The following PCDHGA4 variants were observed in gnomAD, a reference collection of about 807,000 sequenced individuals.
PCDHGA4 encodes protocadherin gamma subfamily A, 4, also known as protocadherin gamma-A4.
PCDHGA4 carries 38 observed loss-of-function variants against 54.6 expected under a neutral mutation model. The ratio of observed to expected loss-of-function variants is 0.70; its 90% CI spans 0.54 to 0.91. The LOEUF (loss-of-function observed/expected upper bound fraction) is 0.91, where lower values mean the gene tolerates loss of function less well. Ranked by LOEUF, PCDHGA4 falls within the 40% of genes least tolerant of loss-of-function variation. The pLI, the probability that PCDHGA4 is intolerant of heterozygous loss-of-function variation, is 0.00. For synonymous variants in PCDHGA4, 511 were observed against 512.9 expected, an observed-to-expected ratio of 1.00 and a Z score of 0.05; for missense variants, 1,298 against 1,220.9, an observed-to-expected ratio of 1.06 and a Z score of -0.94.
chr5:141,366,328 C>T (rs778365263), intron 1 of PCDHGA4: 1 of 1,613,870 alleles, frequency 6.2e-7, no homozygotes, highest in Non-Finnish European at 8.5e-7. Context: ...CCGTGGCCGA[C>T]AGGATCCCTG....
chr5:141,356,537 A>G lies in PCDHGA4; in HGVS notation c.1430A>G (p.Asn477Ser), dbSNP rs749492777. 49 of 1,614,028 alleles carry G rather than the reference A, an allele frequency of 3.0e-5. No individual in the cohort carries two copies. The Admixed American group carries it at 5.7e-4, about 19-fold the overall frequency. The change falls in exon 1 of 4, where the codon AAT becomes AGT. Residue 477 changes from asparagine (N) to serine (S), a missense_variant. By Grantham distance (46) the Asn-to-Ser change is conservative. Transcript: ENST00000571252. ...ATTTCACTGCAAGTGATGGACATCAATGACAACCCACCCACTTTCCCTCAT... is the reference window on the plus strand; with the variant it reads ...ATTTCACTGCAAGTGATGGACATCAGTGACAACCCACCCACTTTCCCTCAT... ...THISLQVMDI[N>S]DNPPTFPHAS...
chr5:141,443,827 G>A (rs1425599112), intron 1 of PCDHGA4, among the ~76,000 whole-genome samples: 1 of 152,054 alleles, frequency 6.6e-6, no homozygotes, highest in African/African-American at 2.4e-5. Context: ...ACATAATTAG[G>A]TAAAATGGGT....
chr5:141,446,850 C>T (rs1027473189), intron 1 of PCDHGA4, among the ~76,000 whole-genome samples: 2 of 152,114 alleles, frequency 1.3e-5, no homozygotes, highest in Non-Finnish European at 2.9e-5. Flanking sequence ...GCATAATAAG[C>T]TTCCTGATAG....
chr5:141,364,280 G>A, intron 1 of PCDHGA4: 1 of 1,516,138 alleles, frequency 6.6e-7, no homozygotes, highest in African/African-American at 1.4e-5. Context: ...GATAAATAAG[G>A]AAACAGCAGG....
chr5:141,404,942 A>G, intron 1 of PCDHGA4: 2 of 1,613,982 alleles, frequency 1.2e-6, no homozygotes, highest in South Asian at 1.1e-5. Context: ...CACAGTAGCC[A>G]TAGCTGACAG....
chr5:141,433,174 G>A (rs1298757358), intron 1 of PCDHGA4: 1 of 1,610,308 alleles, frequency 6.2e-7, no homozygotes, highest in Non-Finnish European at 8.5e-7. Context: ...ACAGTCATGG[G>A]TTAATTGAGG....
intron 1 of PCDHGA4, chr5:141,394,165 C>G (rs1228690548): frequency 6.2e-7 from 1 of 1,613,930 alleles, no homozygotes; most frequent in African/African-American, 1.3e-5. Flanking sequence ...AACCCTCCTA[C>G]TTTCCCTCAT....
chr5:141,403,377 T>A, intron 1 of PCDHGA4: 1 of 1,614,016 alleles, frequency 6.2e-7, no homozygotes. Flanking sequence ...GAAGTAAAAA[T>A]TAACGAAATC....
chr5:141,496,021 G>C lies in PCDHGA4; in HGVS notation c.2573+1156G>C, dbSNP rs1011612662. Among the ~76,000 whole-genome samples, 3 of 151,454 alleles carry C rather than the reference G, an allele frequency of 2.0e-5. No individual in the cohort carries two copies. The East Asian group carries it at 5.8e-4, about 29-fold the overall frequency. ...CTTTTATCTTGTCTTTTTTCTCTGA[G>C]CCTCTGTCTCTGTCTCTCATTTTTT... On this transcript the variant is annotated intron_variant, in intron 2 of 3. Coordinates refer to ENST00000571252, the MANE Select transcript of PCDHGA4 (RefSeq NM_018917.4).
chr5:141,511,230 C>A lies in PCDHGA4; in HGVS notation c.*57C>A. On this transcript the variant is annotated 3_prime_UTR_variant, in exon 4 of 4. Transcript: ENST00000571252. ...CCTCTCCCCAACCAGCCCAGCTTCT[C>A]CTTACCTGCACCCAGGCCTCAGAGT... 6.3e-7 allele frequency: 1 copy of A among 1,597,914 alleles called. No homozygotes were observed. The highest frequency in any genetic ancestry group is 1.1e-5 in the South Asian group (1 of 89,144).
chr5:141,377,571 G>A (rs1188090213), intron 1 of PCDHGA4: 1 of 151,658 alleles, frequency 6.6e-6, no homozygotes, highest in African/African-American at 2.4e-5. Context: ...ACCCTAGCCT[G>A]GGAGACAGAA....
intron 1 of PCDHGA4, among the ~76,000 whole-genome samples, chr5:141,446,247 A>T (rs969960822): frequency 6.6e-6 from 1 of 152,160 alleles, no homozygotes; most frequent in African/African-American, 2.4e-5. Context: ...GTAGATCTTC[A>T]GTGAAATATT....
intron 1 of PCDHGA4, chr5:141,417,591 C>T (rs1287721863): frequency 2.1e-6 from 1 of 484,478 alleles, no homozygotes; most frequent in East Asian, 3.4e-5. Context: ...CACAGAGCCT[C>T]TGGGCGCCGC....
chr5:141,355,152 C>A lies in PCDHGA4; in HGVS notation c.45C>A (p.Ala15=). Residue 15 remains alanine, a synonymous_variant, in exon 1 of 4, where the codon GCC becomes GCA. Coordinates refer to ENST00000571252, the MANE Select transcript of PCDHGA4 (RefSeq NM_018917.4). ...CAGAAGATCCTGGGGCTCCTCAGGCCTCGACAGAGGGAAAACCGAAGCACA... is the reference window on the plus strand; with the variant it reads ...CAGAAGATCCTGGGGCTCCTCAGGCATCGACAGAGGGAAAACCGAAGCACA... ...LDPEDPGAPQ[A]STEGKPKHRR... 2 of 1,548,790 alleles carry A rather than the reference C, an allele frequency of 1.3e-6. No homozygotes were observed. The highest frequency in any genetic ancestry group is 1.7e-6 in the Non-Finnish European group (2 of 1,149,656).
At chr5:141,453,101 TTTTTGTTTTG>T (rs879618609) in intron 1 of PCDHGA4, among the ~76,000 whole-genome samples, 16 of 152,130 alleles carry the variant, frequency 1.1e-4, no homozygotes, top group Middle Eastern at 3.4e-3. Flanking sequence ...TTCTGTTGCT[TTTTTGTTTTG>T]TTTTGTTTTG....
intron 1 of PCDHGA4, chr5:141,372,834 C>A (rs1343091313): frequency 3.9e-6 from 6 of 1,536,106 alleles, no homozygotes; most frequent in South Asian, 1.2e-5. Flanking sequence ...ACCTTTCCTT[C>A]CATAAATATA....
chr5:141,490,338 C>A lies in PCDHGA4; in HGVS notation c.2515-4469C>A, dbSNP rs1408559629. Reference sequence around the variant, plus strand: ...CTGTCCTAGAGAGCACACCAGTGGGCACAGTAGTGGGGTTGTTTAATGTGC... The same window carrying A: ...CTGTCCTAGAGAGCACACCAGTGGGAACAGTAGTGGGGTTGTTTAATGTGC... On this transcript the variant is annotated intron_variant, in intron 1 of 3. Coordinates refer to ENST00000571252, the MANE Select transcript of PCDHGA4 (RefSeq NM_018917.4). This position sits in a 1 kb window ranked among gnomAD's most constrained non-coding sequence, Gnocchi z 5.4. 6.2e-7 allele frequency: 1 copy of A among 1,614,184 alleles called. No homozygotes were observed. The highest frequency in any genetic ancestry group is 1.7e-5 in the Admixed American group (1 of 60,032).
intron 1 of PCDHGA4, among the ~76,000 whole-genome samples, chr5:141,464,265 AAAAAAAAAAAAAGC>A (rs1446781862): frequency 7.4e-6 from 1 of 135,276 alleles, no homozygotes; most frequent in Non-Finnish European, 1.6e-5. Flanking sequence ...ACTCCGTCTA[AAAAAAAAAAAAAGC>A]AAAAAAAAAA....
chr5:141,360,290 A>G, intron 1 of PCDHGA4: 4 of 1,614,018 alleles, frequency 2.5e-6, no homozygotes, highest in Non-Finnish European at 3.4e-6. Flanking sequence ...AACCTCGCCA[A>G]GGATCTGGGG....
Sources: allele counts gnomAD v4.1 joint callset (sites outside exome capture counted in the v4.1 genomes callset), GRCh38; gene constraint gnomAD v4.1.1; non-coding constraint Gnocchi (gnomAD v3.1); transcripts MANE v1.5; gene names NCBI Gene and HGNC (gene_info 2026-07-23, HGNC 2026-07-21).